ARNT2: variants seen among roughly 807,000 people sequenced by gnomAD.
ARNT2 encodes the protein aryl hydrocarbon receptor nuclear translocator 2, also known as ARNT protein 2.
ARNT2 carries 36 observed loss-of-function variants against 91.7 expected under a neutral mutation model. The ratio of observed to expected loss-of-function variants is 0.39; its 90% CI spans 0.30 to 0.52. ARNT2 has a LOEUF of 0.52. Among genes scored for constraint, ARNT2 ranks in the 20% least tolerant of loss-of-function variants. ARNT2 has a pLI of 0.72. For missense variants in ARNT2, 775 were observed against 939.3 expected (o/e 0.83, Z 2.29); for synonymous variants, 365 against 347.1 (o/e 1.05, Z -0.57).
At chr15:80,440,309 T>TC (rs796974930) in intron 1 of ARNT2, among the ~76,000 whole-genome samples, 2 of 152,178 alleles carry the variant, frequency 1.3e-5, no homozygotes, top group South Asian at 2.1e-4. Context: ...GTTGAATGGG[T>TC]CACTCATCCT....
intron 8 of ARNT2, among the ~76,000 whole-genome samples, chr15:80,528,337 C>A (rs1420927363): frequency 6.6e-6 from 1 of 152,046 alleles, no homozygotes; most frequent in Non-Finnish European, 1.5e-5. Flanking sequence ...GCTTTGCATC[C>A]AGAATTTAGA....
At chr15:80,498,455 G>A (rs115433957) in intron 5 of ARNT2, among the ~76,000 whole-genome samples, 2 of 152,148 alleles carry the variant, frequency 1.3e-5, no homozygotes, top group African/African-American at 4.8e-5. Flanking sequence ...CCAAATCCAC[G>A]CACTAGGAGA....
chr15:80,590,939 C>T (rs924396459), intron 17 of ARNT2, among the ~76,000 whole-genome samples: 1 of 152,216 alleles, frequency 6.6e-6, no homozygotes, highest in Non-Finnish European at 1.5e-5. Flanking sequence ...AAAGAAAACA[C>T]TCTGCCAAAG....
At chr15:80,433,277 AT>A (rs1175166020) in intron 1 of ARNT2, among the ~76,000 whole-genome samples, 4 of 139,246 alleles carry the variant, frequency 2.9e-5, no homozygotes, top group Non-Finnish European at 6.2e-5. Context: ...ATTTTATTTT[AT>A]TTTATTTTAT....
intron 8 of ARNT2, among the ~76,000 whole-genome samples, chr15:80,540,914 T>G (rs139980727): frequency 6.6e-6 from 1 of 152,184 alleles, no homozygotes; most frequent in Non-Finnish European, 1.5e-5. Flanking sequence ...GCACCTAGAT[T>G]GATTTTATGT....
chr15:80,537,700 A>G (rs925217101), intron 8 of ARNT2, among the ~76,000 whole-genome samples: 8 of 152,178 alleles, frequency 5.3e-5, no homozygotes, highest in Non-Finnish European at 1.2e-4. Context: ...GTGTACCTCC[A>G]AAAATTCCTA....
chr15:80,449,636 G>A (rs888177984), intron 1 of ARNT2, among the ~76,000 whole-genome samples: 4 of 152,178 alleles, frequency 2.6e-5, no homozygotes, highest in African/African-American at 9.7e-5. Flanking sequence ...TTGTGAAATT[G>A]TATTGTGTAT....
chr15:80,481,547 A>G (rs949081078), intron 5 of ARNT2, among the ~76,000 whole-genome samples: 3 of 151,974 alleles, frequency 2.0e-5, no homozygotes, highest in African/African-American at 7.3e-5. Flanking sequence ...TTACTTCTAC[A>G]AAAAAATTTA....
At chr15:80,464,323 GGT>G (rs370980669) in intron 3 of ARNT2, among the ~76,000 whole-genome samples, 43 of 151,738 alleles carry the variant, frequency 2.8e-4, no homozygotes, top group South Asian at 2.7e-3. Flanking sequence ...GGGGGCTGGG[GGT>G]GGGGGGTTGC....
chr15:80,551,290 G>T lies in ARNT2; in HGVS notation c.954+15G>T, dbSNP rs372041092. 2.5e-6 allele frequency: 4 copies of T among 1,610,208 alleles called. No homozygotes were observed. The highest frequency in any genetic ancestry group is 1.1e-5 in the South Asian group (1 of 90,958). On this transcript the variant is annotated intron_variant, in intron 9 of 18. Coordinates refer to ENST00000303329, the MANE Select transcript of ARNT2 (RefSeq NM_014862.4). ...GGAGACTCCAGGTAAGAAAAAATTCGTAGCCTTTTTAATCTTAAATGAAGG... is the reference window on the plus strand; with the variant it reads ...GGAGACTCCAGGTAAGAAAAAATTCTTAGCCTTTTTAATCTTAAATGAAGG...
At chr15:80,576,426 G>A (rs1898675805) in intron 14 of ARNT2, among the ~76,000 whole-genome samples, 1 of 152,126 alleles carries the variant, frequency 6.6e-6, no homozygotes, top group Non-Finnish European at 1.5e-5. Flanking sequence ...ACAGATGGCT[G>A]CCACCATGCC....
chr15:80,592,927 A>T, intron 18 of ARNT2, among the ~76,000 whole-genome samples: 1 of 152,234 alleles, frequency 6.6e-6, no homozygotes. Context: ...ACCAATAAGG[A>T]CTGGATTTCT....
intron 12 of ARNT2, among the ~76,000 whole-genome samples, chr15:80,573,606 AG>A (rs1172704977): frequency 6.6e-6 from 1 of 152,206 alleles, no homozygotes; most frequent in Non-Finnish European, 1.5e-5. Context: ...CAGGCAGCAA[AG>A]CCCCTTGGAG....
At chr15:80,425,472 G>A (rs1310251559) in intron 1 of ARNT2, among the ~76,000 whole-genome samples, 1 of 152,108 alleles carries the variant, frequency 6.6e-6, no homozygotes, top group Non-Finnish European at 1.5e-5. Context: ...AATATTGGGA[G>A]AAACTTTAGC....
At chr15:80,451,947 C>T (rs367935064) in intron 2 of ARNT2, among the ~76,000 whole-genome samples, 2 of 152,218 alleles carry the variant, frequency 1.3e-5, no homozygotes, top group Admixed American at 6.5e-5. Flanking sequence ...TAACACACAG[C>T]TCCTTGGGAA....
intron 12 of ARNT2, among the ~76,000 whole-genome samples, chr15:80,564,190 C>A (rs1596016606): frequency 6.6e-6 from 1 of 152,120 alleles, no homozygotes; most frequent in Admixed American, 6.5e-5. Flanking sequence ...CCATCATTTT[C>A]CCCAGTTCAG....
intron 4 of ARNT2, among the ~76,000 whole-genome samples, chr15:80,471,060 A>G (rs1252622325): frequency 1.3e-5 from 2 of 152,386 alleles, no homozygotes; most frequent in East Asian, 3.9e-4. Flanking sequence ...ATCGTTCTAC[A>G]TAAAGACATA....
chr15:80,570,614 T>C (rs1212503652), intron 12 of ARNT2, among the ~76,000 whole-genome samples: 1 of 152,224 alleles, frequency 6.6e-6, no homozygotes, highest in African/African-American at 2.4e-5. Context: ...TGAGACTGCC[T>C]GGTGGGAGAT....
At chr15:80,524,687 C>T (rs112542205) in intron 8 of ARNT2, among the ~76,000 whole-genome samples, 1,797 of 152,068 alleles carry the variant, frequency 0.012, 23 homozygotes, top group African/African-American at 0.04. Context: ...CCATCCTGGC[C>T]AACATGGTGA....
Sources: allele counts gnomAD v4.1 joint callset (sites outside exome capture counted in the v4.1 genomes callset), GRCh38; gene constraint gnomAD v4.1.1; transcripts MANE v1.5; gene names NCBI Gene and HGNC (gene_info 2026-07-23, HGNC 2026-07-21).